The following FOXP1 variants were observed in gnomAD, a reference collection of about 807,000 sequenced individuals.
FOXP1 encodes the protein forkhead box P1, also known as forkhead box protein P1.
A neutral mutation model predicts 98.2 loss-of-function variants in FOXP1; 15 were observed. That is an observed-to-expected ratio of 0.15 (90% confidence interval 0.10 to 0.24). The LOEUF (loss-of-function observed/expected upper bound fraction) is 0.24, where lower values mean the gene tolerates loss of function less well. FOXP1 is among the 10% of genes least tolerant of loss of function. The pLI is 1.00. For synonymous variants in FOXP1, 371 were observed against 314.5 expected (o/e 1.18, Z -1.90); for missense variants, 633 against 848.5 (o/e 0.75, Z 3.15).
At chr3:71,250,702 G>C (rs1005878138) in intron 5 of FOXP1, among the ~76,000 whole-genome samples, 1 of 152,196 alleles carries the variant, frequency 6.6e-6, no homozygotes, top group Non-Finnish European at 1.5e-5. Context: ...AGGCTGAGGT[G>C]GGCAGATCAC....
chr3:71,206,672 C>T (rs1205891877), intron 5 of FOXP1, among the ~76,000 whole-genome samples: 1 of 152,224 alleles, frequency 6.6e-6, no homozygotes, highest in East Asian at 1.9e-4. Context: ...TTCAGAGCAA[C>T]TGTAAATGTC....
chr3:71,540,125 G>A (rs955344138), intron 2 of FOXP1, among the ~76,000 whole-genome samples: 5 of 152,328 alleles, frequency 3.3e-5, no homozygotes, highest in Non-Finnish European at 5.9e-5. Context: ...TATTACTGAC[G>A]ATAATGAGGC....
intron 11 of FOXP1, among the ~76,000 whole-genome samples, chr3:71,022,941 C>T (rs2045622897): frequency 6.6e-6 from 1 of 152,252 alleles, no homozygotes; most frequent in East Asian, 1.9e-4. Flanking sequence ...GTATCGGTGT[C>T]TTCATCATGG....
rs143022045 is a variant in FOXP1 at position 71,214,827 on chromosome 3, C to A, written c.-11-16435G>T. The stretch of plus-strand genomic sequence containing the variant: ...GCCAGTGCATTTATCCAAGAGTAGA[C>A]CCCTGTGGCACCTTCCAGAGGAGAC... On this transcript the variant is annotated intron_variant, in intron 5 of 20. Coordinates refer to ENST00000649528, the MANE Select transcript of FOXP1 (RefSeq NM_001349338.3). Among the ~76,000 whole-genome samples, 300 of 152,270 alleles carry A rather than the reference C, an allele frequency of 2.0e-3. 1 individual carries two copies. The highest frequency in any genetic ancestry group is 2.3e-3 in the Non-Finnish European group (156 of 68,010).
At chr3:71,565,957 C>T (rs554748671) in intron 2 of FOXP1, among the ~76,000 whole-genome samples, 3 of 152,246 alleles carry the variant, frequency 2.0e-5, no homozygotes, top group South Asian at 2.1e-4. Flanking sequence ...AATAAATCAA[C>T]GAGTGAATCA....
intron 7 of FOXP1, among the ~76,000 whole-genome samples, chr3:71,062,560 GC>G (rs1167665125): frequency 6.6e-6 from 1 of 152,178 alleles, no homozygotes; most frequent in Admixed American, 6.5e-5. Context: ...TCATAGCTTA[GC>G]CATGATGCCA....
rs565354047 is a variant in FOXP1 at position 71,052,280 on chromosome 3, T to C, written c.510+257A>G. Among the ~76,000 whole-genome samples, 3 of 152,266 alleles carry C rather than the reference T, an allele frequency of 2.0e-5. No individual in the cohort carries two copies. The East Asian group carries it at 5.8e-4, about 29-fold the overall frequency. On this transcript the variant is annotated intron_variant, in intron 9 of 20. Transcript: ENST00000649528. ...TGTTACCAGGTTGCAAAAAGTAACC[T>C]GAAGACTCTGTCAACGATGCCTCTC...
intron 5 of FOXP1, among the ~76,000 whole-genome samples, chr3:71,226,680 C>T (rs1043795184): frequency 1.3e-5 from 2 of 151,912 alleles, no homozygotes; most frequent in African/African-American, 4.8e-5. Context: ...TTTCAGTTTG[C>T]CATCTTCCTC....
intron 3 of FOXP1, among the ~76,000 whole-genome samples, chr3:71,479,679 C>CAA (rs71120335): frequency 1.1e-3 from 64 of 56,556 alleles, no homozygotes; most frequent in Middle Eastern, 0.013. Flanking sequence ...AACATCATCT[C>CAA]AAAAAAAAAA....
intron 3 of FOXP1, among the ~76,000 whole-genome samples, chr3:71,432,475 C>T (rs1451929499): frequency 2.0e-5 from 3 of 152,176 alleles, no homozygotes; most frequent in African/African-American, 7.2e-5. Context: ...CCTCATTCTT[C>T]TCTCCCTTTG....
rs1303006471 is a variant in FOXP1 at position 71,085,390 on chromosome 3, T to A, written c.282+27146A>T. Among the ~76,000 whole-genome samples, 3 of 152,306 alleles carry A rather than the reference T, an allele frequency of 2.0e-5. No individual in the cohort carries two copies. In the East Asian group the frequency reaches 5.8e-4, roughly 29 times the overall value. ...GTCCCGAAGTCCTGGCCTCAAGCAA[T>A]TCTCTTGCCTTGGCCTCCCAAAGTG... On this transcript the variant is annotated intron_variant, in intron 7 of 20. Transcript: ENST00000649528.
intron 6 of FOXP1, among the ~76,000 whole-genome samples, chr3:71,162,389 A>T (rs1560044572): frequency 1.3e-5 from 2 of 152,222 alleles, no homozygotes. Flanking sequence ...TTGTTCATAC[A>T]TCTCTACTGA....
intron 10 of FOXP1, among the ~76,000 whole-genome samples, chr3:71,041,876 G>C (rs1343967459): frequency 1.3e-5 from 2 of 152,102 alleles, no homozygotes; most frequent in Middle Eastern, 3.2e-3. Context: ...TAGACACAAA[G>C]AAGGGCTCAA....
At chr3:71,019,847 AAAACAAAAC>A (rs1030197371) in intron 11 of FOXP1, among the ~76,000 whole-genome samples, 25 of 123,560 alleles carry the variant, frequency 2.0e-4, no homozygotes, top group African/African-American at 5.0e-4. Context: ...CCCCCCAAAA[AAAACAAAAC>A]AAAACAAAAC....
chr3:71,496,896 C>T (rs1165704941), intron 2 of FOXP1, among the ~76,000 whole-genome samples: 10 of 151,762 alleles, frequency 6.6e-5, no homozygotes, highest in Admixed American at 2.0e-4. Context: ...TATTTGACTT[C>T]TAATATTTTA....
intron 14 of FOXP1, among the ~76,000 whole-genome samples, chr3:70,982,815 C>A (rs1403145361): frequency 6.6e-6 from 1 of 151,912 alleles, no homozygotes; most frequent in African/African-American, 2.4e-5. Flanking sequence ...CTGACAGAAA[C>A]AGACTTGTAA....
At chr3:71,528,280 C>T (rs1221267314) in intron 2 of FOXP1, among the ~76,000 whole-genome samples, 1 of 152,152 alleles carries the variant, frequency 6.6e-6, no homozygotes. Flanking sequence ...ACTCTCAGCT[C>T]GGGGAAAAGC....
At position 71,030,833 on chromosome 3, in the gene FOXP1, T is replaced by C. The variant is rs2046769150; in HGVS notation, c.869+10495A>G. On this transcript the variant is annotated intron_variant, in intron 11 of 20. Coordinates refer to ENST00000649528, the MANE Select transcript of FOXP1 (RefSeq NM_001349338.3). ...TTCTAATTAAAGTAAACTGCCATTT[T>C]TCTCTCACACTGATCTTTAACACGA... is the stretch of plus-strand genomic sequence containing the variant. 1.3e-5 allele frequency among the ~76,000 whole-genome samples: 2 copies of C among 152,236 alleles called. 1 individual carries two copies. The highest frequency in any genetic ancestry group is 4.1e-4 in the South Asian group (2 of 4,828).
chr3:71,136,065 A>T (rs1432407185), intron 6 of FOXP1, among the ~76,000 whole-genome samples: 2 of 152,180 alleles, frequency 1.3e-5, no homozygotes, highest in African/African-American at 2.4e-5. Context: ...GTTAAATATG[A>T]TTTATCTAAA....
Sources: gnomAD v4.1 joint callset for allele counts (sites outside exome capture counted in the v4.1 genomes callset) on GRCh38, gnomAD v4.1.1 for gene constraint, MANE v1.5 for transcripts, NCBI Gene and HGNC (gene_info 2026-07-23, HGNC 2026-07-21) for gene names.